The following DIDO1 variants were observed in gnomAD, a reference collection of about 807,000 sequenced individuals.
DIDO1 encodes death-inducer obliterator 1.
DIDO1 carries 16 observed loss-of-function variants against 99.4 expected under a neutral mutation model. The ratio of observed to expected loss-of-function variants is 0.16; its 90% CI spans 0.11 to 0.24. The LOEUF (loss-of-function observed/expected upper bound fraction) is 0.24, where lower values mean the gene tolerates loss of function less well. Ranked by LOEUF, DIDO1 falls within the 10% of genes least tolerant of loss-of-function variation. The probability of loss-of-function intolerance (pLI) is 1.00; values close to 1 mark genes in which losing one functional copy is unlikely to be tolerated. For missense variants in DIDO1, 2,996 were observed against 3,014.0 expected (o/e 0.99, Z 0.14); for synonymous variants, 1,366 against 1,239.1 (o/e 1.10, Z -2.15).
intron 15 of DIDO1, among the ~76,000 whole-genome samples, chr20:62,882,696 A>G (rs2064232802): frequency 1.3e-5 from 2 of 152,108 alleles, no homozygotes; most frequent in African/African-American, 4.8e-5. Context: ...CTCGTCACCA[A>G]CCATGGAACC....
At chr20:62,891,436 A>T (rs985556733) in intron 14 of DIDO1, among the ~76,000 whole-genome samples, 15 of 152,162 alleles carry the variant, frequency 9.9e-5, no homozygotes, top group Non-Finnish European at 7.4e-5. Flanking sequence ...AGGGGGTTAA[A>T]CTAGACGACA....
chr20:62,922,077 TATATACACA>T (rs1237028099), intron 1 of DIDO1, among the ~76,000 whole-genome samples: 1 of 143,830 alleles, frequency 7.0e-6, no homozygotes, highest in Non-Finnish European at 1.5e-5. Flanking sequence ...CTATATACAC[TATATACACA>T]CTATATATAC....
intron 1 of DIDO1, among the ~76,000 whole-genome samples, chr20:62,937,134 C>CT (rs1376397342): frequency 3.3e-5 from 5 of 152,228 alleles, no homozygotes; most frequent in Non-Finnish European, 7.3e-5. Context: ...ACGAAACCAC[C>CT]TCACCCCTGA....
chr20:62,905,202 G>A (rs1345823557), intron 6 of DIDO1: 2 of 1,129,448 alleles, frequency 1.8e-6, no homozygotes, highest in African/African-American at 3.1e-5. Flanking sequence ...AGAATACCAA[G>A]TCCAAGGCAC....
At chr20:62,883,213 C>T (rs910771363) in intron 15 of DIDO1, among the ~76,000 whole-genome samples, 5 of 151,810 alleles carry the variant, frequency 3.3e-5, no homozygotes, top group Non-Finnish European at 7.4e-5. Flanking sequence ...CGTAAGCCAC[C>T]GCACCCGGAC....
In DIDO1 at chr20:62,892,962, G is replaced by C. The variant is rs148086555; in HGVS notation, c.3102C>G (p.Ser1034Arg). 3.1e-6 allele frequency: 5 copies of C among 1,605,616 alleles called. No individual in the cohort carries two copies. The African/African-American group carries it at 6.7e-5, about 22-fold the overall frequency. Residue 1034 changes from serine to arginine, a missense_variant and splice_region_variant, in exon 13 of 16, where the codon AGC becomes AGG. Transcript: ENST00000395343. The stretch of plus-strand genomic sequence containing the variant: ...CTGGAGGGGAACGTGATTCTGAAGT[G>C]CTGTAAAACAAAACCATAAAAAAAA... The part of the protein sequence containing the change: ...YLSVPPSPNI[S>R]TSESRSPPEG...
chr20:62,883,435 G>A (rs941064434), intron 15 of DIDO1, among the ~76,000 whole-genome samples: 1 of 151,856 alleles, frequency 6.6e-6, no homozygotes, highest in African/African-American at 2.4e-5. Context: ...GCTCACGCCT[G>A]TAATTCCAGC....
At chr20:62,916,801 C>T (rs1431963828) in intron 1 of DIDO1, among the ~76,000 whole-genome samples, 1 of 152,202 alleles carries the variant, frequency 6.6e-6, no homozygotes, top group Non-Finnish European at 1.5e-5. Flanking sequence ...TTCACTGATA[C>T]TACACCAACT....
In DIDO1 at chr20:62,899,135, G is replaced by A. The variant is rs372237464; in HGVS notation, c.1589-2139C>T. Among the ~76,000 whole-genome samples the A allele has an allele frequency of 5.9e-5, 9 of 152,290 alleles. No homozygotes were observed. In the East Asian group the frequency reaches 1.2e-3, roughly 20 times the overall value. On this transcript the variant is annotated intron_variant, in intron 6 of 15. Coordinates refer to ENST00000395343, the MANE Select transcript of DIDO1 (RefSeq NM_001193369.2). ...AGGCAGGCACCAGGAACCAAGCCCC[G>A]GTCTCCAGAGGCGGCAGACAGACAC...
At chr20:62,910,713 A>G in intron 3 of DIDO1, 61 bp downstream of exon 3, 14 of 1,547,090 alleles carry the variant, frequency 9.0e-6, no homozygotes, top group Non-Finnish European at 1.2e-5. Context: ...TTAAAATGAA[A>G]ACAAATGGAA....
intron 1 of DIDO1, among the ~76,000 whole-genome samples, chr20:62,935,723 A>T (rs2065375874): frequency 6.6e-6 from 1 of 152,324 alleles, no homozygotes; most frequent in Non-Finnish European, 1.5e-5. Context: ...TACACAGGCA[A>T]CTGGGGAGTC....
chr20:62,898,036 G>T (rs1054275081), intron 6 of DIDO1, among the ~76,000 whole-genome samples: 1 of 152,204 alleles, frequency 6.6e-6, no homozygotes, highest in African/African-American at 2.4e-5. Flanking sequence ...CTTTTCCAAC[G>T]ATCGGTACAG....
rs960421744 is a variant in DIDO1, at chr20:62,881,486, C to T, written c.4470G>A (p.Lys1490=). ...EELNKQIEEQ[K]RQLEEQEEAL... The stretch of plus-strand genomic sequence containing the variant: ...CTTCTTCTTGCTCCTCCAGCTGTCT[C>T]TTCTGCTCCTCGATCTGTTTGTTCA... Residue 1490 remains lysine (K), a synonymous_variant, in exon 16 of 16, where the codon AAG becomes AAA. Transcript: ENST00000395343. The surrounding 1 kb of genome is among the most constrained non-coding windows in gnomAD (Gnocchi z 8.3). 3 of 1,610,572 alleles carry T rather than the reference C, an allele frequency of 1.9e-6. No homozygotes were observed. Among genetic ancestry groups the T allele is most frequent in the African/African-American group, 1.3e-5 (1 of 74,932 alleles).
chr20:62,894,381 C>T lies in DIDO1; in HGVS notation c.2572+32G>A. On this transcript the variant is annotated intron_variant, in intron 11 of 15. Coordinates refer to ENST00000395343, the MANE Select transcript of DIDO1 (RefSeq NM_001193369.2). This position sits in a 1 kb window ranked among gnomAD's most constrained non-coding sequence, Gnocchi z 4.4. ...TTAACAAAATCAAGTTTAGTCTCAG[C>T]TCCAAGGCTCCATCCCCTGCACTGT... 6.2e-7 allele frequency: 1 copy of T among 1,601,662 alleles called. No homozygotes were observed. The highest frequency in any genetic ancestry group is 8.5e-7 in the Non-Finnish European group (1 of 1,175,024).
intron 4 of DIDO1, among the ~76,000 whole-genome samples, chr20:62,907,984 T>G (rs2064844224): frequency 6.7e-6 from 1 of 148,676 alleles, no homozygotes; most frequent in African/African-American, 2.5e-5. Flanking sequence ...TGAAACATAC[T>G]TTTTTTTTTG....
At position 62,892,825 on chromosome 20, in the gene DIDO1, A is replaced by G; in HGVS notation, c.3239T>C (p.Phe1080Ser). Residue 1080 changes from phenylalanine (F) to serine (S), a missense_variant, in exon 13 of 16, where the codon TTT becomes TCT. Physicochemically the swap from Phe to Ser is radical, Grantham distance 155. Transcript: ENST00000395343. ...VTKAYPVSGC[F>S]DYLSEDLPDT... ...GGTTCTAACCTCACTGAGGTAATCA[A>G]AACACCCAGAGACAGGATACGCCTT... 1 of 1,613,528 alleles carries G rather than the reference A, an allele frequency of 6.2e-7. No individual in the cohort carries two copies. The highest frequency in any genetic ancestry group is 1.1e-5 in the South Asian group (1 of 91,064).
In DIDO1 at chr20:62,911,757, A is replaced by C. The variant is rs2057008179; in HGVS notation, c.-2-143T>G. 1.5e-6 allele frequency: 1 copy of C among 651,808 alleles called. No individual in the cohort carries two copies. The allele number at this position is 651,808 out of a possible 1,614,324, so 40.4% of individuals were successfully genotyped here. On this transcript the variant is annotated intron_variant, in intron 2 of 15. Coordinates refer to ENST00000395343, the MANE Select transcript of DIDO1 (RefSeq NM_001193369.2). This position sits in a 1 kb window ranked among gnomAD's most constrained non-coding sequence, Gnocchi z 7.0. The stretch of plus-strand genomic sequence containing the variant: ...CAAGTCCTTCTGACCAGTGTTTCCT[A>C]ATGTGTGCTATGTGAGATGATTCAA...
chr20:62,887,013 ATCT>A (rs567481560), intron 15 of DIDO1, among the ~76,000 whole-genome samples: 694 of 152,306 alleles, frequency 4.6e-3, no homozygotes, highest in African/African-American at 0.016. Flanking sequence ...AGCGACGTCC[ATCT>A]TCTTCTGGGT....
At position 62,893,942 on chromosome 20, in the gene DIDO1, G is replaced by A. The variant is rs1165527336; in HGVS notation, c.2825C>T (p.Pro942Leu). ...PPGDGHPEPS[P>L]LEDLSPCPAS... is the part of the protein sequence containing the mutation. Reference sequence around the variant, plus strand: ...TGGGCAGGGGGACAGGTCTTCCAGCGGGGAGGGCTCGGGATGGCCATCTCC... The same window carrying A: ...TGGGCAGGGGGACAGGTCTTCCAGCAGGGAGGGCTCGGGATGGCCATCTCC... Residue 942 changes from proline to leucine, a missense_variant, in exon 12 of 16, where the codon CCG (proline) becomes CTG (leucine). By Grantham distance (98) the Pro-to-Leu change is moderately conservative (BLOSUM62 -3). Around this residue, in one of 5 missense-constraint regions of DIDO1, gnomAD observed 898 missense variants for 972.7 expected, o/e 0.92. Transcript: ENST00000395343. 9.3e-6 allele frequency: 15 copies of A among 1,612,122 alleles called. No homozygotes were observed. Among genetic ancestry groups the A allele is most frequent in the African/African-American group, 5.3e-5 (4 of 74,888 alleles).
Sources: allele counts gnomAD v4.1 joint callset (sites outside exome capture counted in the v4.1 genomes callset), GRCh38; gene constraint gnomAD v4.1.1; regional missense constraint gnomAD v4.1.1; non-coding constraint Gnocchi (gnomAD v3.1); transcripts MANE v1.5; gene names NCBI Gene and HGNC (gene_info 2026-07-23, HGNC 2026-07-21).